RAB6A: variants seen among roughly 807,000 people sequenced by gnomAD.
RAB6A encodes RAB6A, member RAS oncogene family, also known as ras-related protein Rab-6A.
Under a neutral mutation model 32.3 loss-of-function variants are expected in RAB6A, and 8 were observed. The observed-to-expected ratio is 0.25, with a 90% CI of 0.15 to 0.45. RAB6A has a LOEUF of 0.45. Among genes scored for constraint, RAB6A ranks in the 20% least tolerant of loss-of-function variants. The probability of loss-of-function intolerance (pLI) is 1.00; values close to 1 mark genes in which losing one functional copy is unlikely to be tolerated. For missense variants in RAB6A, 104 were observed against 249.4 expected (o/e 0.42, Z 3.93); for synonymous variants, 73 against 82.1 (o/e 0.89, Z 0.60).
intron 5 of RAB6A, among the ~76,000 whole-genome samples, chr11:73,712,657 A>G (rs1422233467): frequency 6.7e-6 from 1 of 148,578 alleles, no homozygotes; most frequent in Non-Finnish European, 1.5e-5. Flanking sequence ...GCCTGTTGCT[A>G]GCTTTTCTAC....
At chr11:73,702,401 G>A (rs1166698759) in intron 6 of RAB6A, among the ~76,000 whole-genome samples, 1 of 152,114 alleles carries the variant, frequency 6.6e-6, no homozygotes, top group Admixed American at 6.6e-5. Context: ...TGAACTCCTG[G>A]CCTCAAGTGA....
intron 4 of RAB6A, among the ~76,000 whole-genome samples, chr11:73,717,069 C>T (rs1156297749): frequency 6.6e-6 from 1 of 152,108 alleles, no homozygotes; most frequent in Non-Finnish European, 1.5e-5. Flanking sequence ...TTTAAAGCTA[C>T]AAAACGTGTC....
At chr11:73,755,430 A>T (rs1478378389) in intron 1 of RAB6A, among the ~76,000 whole-genome samples, 1 of 151,834 alleles carries the variant, frequency 6.6e-6, no homozygotes. Flanking sequence ...AAGAGCTGGG[A>T]CTACAGGCAC....
chr11:73,686,509 C>T (rs1451238774), intron 6 of RAB6A, among the ~76,000 whole-genome samples: 2 of 151,836 alleles, frequency 1.3e-5, no homozygotes, highest in Admixed American at 1.3e-4. Context: ...ACCCAGAGAT[C>T]GCGCCACTGC....
chr11:73,692,053 G>A (rs1945575118), intron 6 of RAB6A, among the ~76,000 whole-genome samples: 1 of 152,050 alleles, frequency 6.6e-6, no homozygotes, highest in African/African-American at 2.4e-5. Flanking sequence ...GGTACCTATT[G>A]AACGTTAATT....
At chr11:73,690,353 C>T (rs975309391) in intron 6 of RAB6A, among the ~76,000 whole-genome samples, 4 of 152,106 alleles carry the variant, frequency 2.6e-5, no homozygotes, top group East Asian at 1.9e-4. Flanking sequence ...TAACTCACTC[C>T]CCAGTTCCTT....
intron 6 of RAB6A, among the ~76,000 whole-genome samples, chr11:73,682,524 A>G (rs955406023): frequency 1.3e-5 from 2 of 152,164 alleles, no homozygotes; most frequent in African/African-American, 4.8e-5. Context: ...TTAGCTGGGC[A>G]TGATGGCACA....
At chr11:73,754,334 T>G (rs1946713179) in intron 1 of RAB6A, among the ~76,000 whole-genome samples, 1 of 152,240 alleles carries the variant, frequency 6.6e-6, no homozygotes, top group Non-Finnish European at 1.5e-5. Flanking sequence ...ACTGACCCCT[T>G]AGGATCTCCC....
chr11:73,710,943 T>C (rs1945948931), intron 5 of RAB6A, among the ~76,000 whole-genome samples: 1 of 152,134 alleles, frequency 6.6e-6, no homozygotes, highest in African/African-American at 2.4e-5. Flanking sequence ...CTTTCCTTTT[T>C]GGCCCTGATT....
In RAB6A at chr11:73,708,734, C is replaced by T. The variant is rs1264008703; in HGVS notation, c.402-1221G>A. Among the ~76,000 whole-genome samples the T allele has an allele frequency of 3.3e-5, 5 of 152,040 alleles. No individual in the cohort carries two copies. The East Asian group carries it at 9.6e-4, about 29-fold the overall frequency. Reference sequence around the variant, plus strand: ...AGATTTAAACTATCAGCTGACAAACCCTGCTTCCTACAACACAGAAAATGG... The same window carrying T: ...AGATTTAAACTATCAGCTGACAAACTCTGCTTCCTACAACACAGAAAATGG... On this transcript the variant is annotated intron_variant, in intron 5 of 7. Coordinates refer to ENST00000336083, the MANE Select transcript of RAB6A (RefSeq NM_198896.2).
chr11:73,688,626 T>C (rs1945497313), intron 6 of RAB6A, among the ~76,000 whole-genome samples: 1 of 152,216 alleles, frequency 6.6e-6, no homozygotes, highest in East Asian at 1.9e-4. Flanking sequence ...GACTCTAGTA[T>C]AGTATCACAT....
chr11:73,737,803 G>A (rs1330010317), intron 1 of RAB6A, among the ~76,000 whole-genome samples: 4 of 151,864 alleles, frequency 2.6e-5, no homozygotes, highest in Non-Finnish European at 5.9e-5. Context: ...GACCAGCCTG[G>A]CCAACATGGT....
intron 6 of RAB6A, among the ~76,000 whole-genome samples, chr11:73,684,714 G>A (rs1447635560): frequency 6.6e-6 from 1 of 152,164 alleles, no homozygotes; most frequent in East Asian, 1.9e-4. Context: ...TTCTCTTTCA[G>A]TAGAGATGAG....
In RAB6A at chr11:73,739,324, A is replaced by G. The variant is rs545085093; in HGVS notation, c.71-8501T>C. Among the ~76,000 whole-genome samples, 24 of 110,026 alleles carry G rather than the reference A, an allele frequency of 2.2e-4. 1 individual carries two copies. The highest frequency in any genetic ancestry group is 1.7e-4 in the Non-Finnish European group (9 of 53,044). The allele number at this position is 110,026 out of a possible 152,430, so 72.2% of individuals were successfully genotyped here. On this transcript the variant is annotated intron_variant, in intron 1 of 7. Coordinates refer to ENST00000336083, the MANE Select transcript of RAB6A (RefSeq NM_198896.2). ...ATATATAAATACTGGAACACCAAAG[A>G]TAACTAAAAAGTAAACTAAAAAATT...
chr11:73,713,104 C>T (rs1254796095), intron 5 of RAB6A, among the ~76,000 whole-genome samples: 1 of 152,146 alleles, frequency 6.6e-6, no homozygotes, highest in Non-Finnish European at 1.5e-5. Flanking sequence ...CTGTCTTGAA[C>T]CTACTGTAGT....
chr11:73,696,022 G>A (rs1435426891), intron 6 of RAB6A, among the ~76,000 whole-genome samples: 1 of 152,164 alleles, frequency 6.6e-6, no homozygotes, highest in Non-Finnish European at 1.5e-5. Flanking sequence ...CTTACCTTAT[G>A]AAGTTAACTA....
rs1399473143 is a variant in RAB6A at position 73,677,894 on chromosome 11, G to T, written c.*4C>A. ...CTGAAGAAGGTTGAAGATGACATGG[G>T]AGATTAGCAGGAACAGCCTCCTTCA... On this transcript the variant is annotated 3_prime_UTR_variant, in exon 8 of 8. Transcript: ENST00000336083. 1 of 1,614,086 alleles carries T rather than the reference G, an allele frequency of 6.2e-7. No individual in the cohort carries two copies. Among genetic ancestry groups the T allele is most frequent in the East Asian group, 2.2e-5 (1 of 44,892 alleles).
intron 2 of RAB6A, among the ~76,000 whole-genome samples, chr11:73,723,951 GA>G (rs1412289716): frequency 2.0e-5 from 3 of 152,056 alleles, no homozygotes; most frequent in East Asian, 1.9e-4. Flanking sequence ...CAATATATAA[GA>G]TTTTTTTTAG....
In RAB6A at chr11:73,750,542, TG is replaced by T. The variant is rs200057831; in HGVS notation, c.70+10023del. On this transcript the variant is annotated intron_variant, in intron 1 of 7. Transcript: ENST00000336083. ...AGCAAATTTTTGTATTTTTAGTAGATGGGGGGGTTTCTCCATGTTGGCCAAG... is the reference window on the plus strand; with the variant it reads ...AGCAAATTTTTGTATTTTTAGTAGATGGGGGGTTTCTCCATGTTGGCCAAG... Among the ~76,000 whole-genome samples the T allele has an allele frequency of 6.6e-3, 999 of 151,936 alleles. 14 individuals are homozygous for T. Among genetic ancestry groups the T allele is most frequent in the African/African-American group, 0.023 (955 of 41,430 alleles).
Sources: allele counts gnomAD v4.1 joint callset (sites outside exome capture counted in the v4.1 genomes callset), GRCh38; gene constraint gnomAD v4.1.1; transcripts MANE v1.5; gene names NCBI Gene and HGNC (gene_info 2026-07-23, HGNC 2026-07-21).